Variants in RYK observed in about 807,000 individuals in gnomAD.
RYK encodes the protein receptor like tyrosine kinase, also known as inactive tyrosine-protein kinase RYK.
Under a neutral mutation model 70.2 loss-of-function variants are expected in RYK, and 21 were observed. That is an observed-to-expected ratio of 0.30 (90% CI 0.21 to 0.43). RYK has a LOEUF of 0.43. Ranked by LOEUF, RYK falls within the 20% of genes least tolerant of loss-of-function variation. The pLI, the probability that RYK is intolerant of heterozygous loss-of-function variation, is 1.00. For missense variants in RYK, 604 were observed against 753.3 expected (o/e 0.80, Z 2.32); for synonymous variants, 267 against 278.0 (o/e 0.96, Z 0.39).
At chr3:134,176,294 T>C (rs2013097900) in intron 11 of RYK, among the ~76,000 whole-genome samples, 1 of 152,230 alleles carries the variant, frequency 6.6e-6, no homozygotes, top group African/African-American at 2.4e-5. Context: ...CTCCCCAATA[T>C]CCAGCACACA....
At chr3:134,231,686 G>T (rs1412010956) in intron 1 of RYK, among the ~76,000 whole-genome samples, 2 of 151,946 alleles carry the variant, frequency 1.3e-5, no homozygotes, top group Non-Finnish European at 2.9e-5. Flanking sequence ...CTTTCCCCTG[G>T]CCCTGTGGAG....
chr3:134,243,822 A>G (rs561594834), intron 1 of RYK, among the ~76,000 whole-genome samples: 9 of 152,294 alleles, frequency 5.9e-5, no homozygotes, highest in Admixed American at 5.9e-4. Flanking sequence ...GTGCTCCTAC[A>G]ATAACTTATG....
In RYK at chr3:134,195,168, C is replaced by T. The variant is rs201031716; in HGVS notation, c.803G>A (p.Ser268Asn). 5 of 1,611,524 alleles carry T rather than the reference C, an allele frequency of 3.1e-6. No homozygotes were observed. In the South Asian group the frequency reaches 5.5e-5, roughly 18 times the overall value. The change falls in exon 7 of 15, where the codon AGT (serine) becomes AAT (asparagine). Residue 268 changes from serine to asparagine, a missense_variant. Ser to Asn is a conservative substitution (Grantham distance 46, BLOSUM62 1). Coordinates refer to ENST00000623711, the MANE Select transcript of RYK (RefSeq NM_002958.4). ...TGGCTGAGACAGCCCTTGGGAACTA[C>T]TGCTGGCACTAATGCTGCAAACAAT... ...IELDDSISAS[S>N]SSQGLSQPST... is the part of the protein sequence containing the mutation.
chr3:134,180,193 T>C (rs924758301), intron 10 of RYK: 47 of 152,196 alleles, frequency 3.1e-4, no homozygotes, highest in African/African-American at 1.0e-3. Context: ...TCAGGCATCT[T>C]TGGGCCAATG....
intron 1 of RYK, among the ~76,000 whole-genome samples, chr3:134,245,641 T>C (rs2015445344): frequency 6.6e-6 from 1 of 152,124 alleles, no homozygotes; most frequent in Non-Finnish European, 1.5e-5. Flanking sequence ...CAAAGTTTTT[T>C]CTGAAGAAAC....
chr3:134,235,677 T>C (rs1309431997), intron 1 of RYK, among the ~76,000 whole-genome samples: 1 of 152,126 alleles, frequency 6.6e-6, no homozygotes, highest in Non-Finnish European at 1.5e-5. Context: ...GTGTTTCAAA[T>C]ACGACAACAG....
intron 1 of RYK, among the ~76,000 whole-genome samples, chr3:134,248,531 G>T (rs1353341264): frequency 6.6e-6 from 1 of 151,938 alleles, no homozygotes; most frequent in Non-Finnish European, 1.5e-5. Flanking sequence ...TCAAAAATAT[G>T]AACTAGGCCA....
chr3:134,200,344 A>G (rs373461711), intron 6 of RYK, among the ~76,000 whole-genome samples: 14 of 152,226 alleles, frequency 9.2e-5, no homozygotes, highest in African/African-American at 3.1e-4. Context: ...TAAGAGCTAT[A>G]ACACTCACTG....
chr3:134,193,105 G>A (rs1015015836), intron 7 of RYK, among the ~76,000 whole-genome samples: 30 of 151,756 alleles, frequency 2.0e-4, no homozygotes, highest in African/African-American at 5.6e-4. Context: ...AGCTCCTTAC[G>A]GTAATGGCCA....
intron 1 of RYK, among the ~76,000 whole-genome samples, chr3:134,248,779 C>A (rs543012841): frequency 1.3e-5 from 2 of 152,078 alleles, no homozygotes; most frequent in African/African-American, 4.8e-5. Context: ...GCCTGGGTGA[C>A]AAGAGCGAGA....
intron 4 of RYK, among the ~76,000 whole-genome samples, 156 bp from the exon 5 acceptor site, chr3:134,207,681 TCA>T (rs2014257408): frequency 1.3e-5 from 2 of 152,156 alleles, no homozygotes; most frequent in African/African-American, 4.8e-5. Flanking sequence ...ACCACTACAG[TCA>T]CCAATCAATA....
At chr3:134,163,079 CCACT>C (rs1160155854) in intron 13 of RYK, among the ~76,000 whole-genome samples, 2 of 152,162 alleles carry the variant, frequency 1.3e-5, no homozygotes, top group African/African-American at 4.8e-5. Context: ...TACTCCCTTC[CCACT>C]GTTTTGTTCA....
chr3:134,201,891 A>G (rs2014036548), intron 6 of RYK, among the ~76,000 whole-genome samples: 1 of 152,254 alleles, frequency 6.6e-6, no homozygotes, highest in South Asian at 2.1e-4. Context: ...GGGAAGTAAG[A>G]AGTGTTTGTT....
intron 13 of RYK, among the ~76,000 whole-genome samples, chr3:134,168,317 C>A (rs1020576143): frequency 1.3e-5 from 2 of 152,176 alleles, no homozygotes; most frequent in African/African-American, 4.8e-5. Flanking sequence ...AAGACACATG[C>A]ACACGTATGT....
chr3:134,159,238 A>G lies in RYK; in HGVS notation c.1711T>C (p.Leu571=), dbSNP rs1467742293. The change falls in exon 14 of 15, where the codon TTA becomes CTA. Residue 571 remains leucine, a splice_region_variant and synonymous_variant. Coordinates refer to ENST00000623711, the MANE Select transcript of RYK (RefSeq NM_002958.4). The stretch of plus-strand genomic sequence containing the variant: ...GCCTTCAAGCTCAAAAAAACTCACA[A>G]TTCATCAGGACAGTTGATTGGCTGG... ...IAQPINCPDE[L]FAVMACCWAL... is the part of the protein sequence containing the mutation. 4 of 1,613,836 alleles carry G rather than the reference A, an allele frequency of 2.5e-6. No individual in the cohort carries two copies. Among genetic ancestry groups the G allele is most frequent in the East Asian group, 2.2e-5 (1 of 44,880 alleles).
chr3:134,207,518 T>C lies in RYK; in HGVS notation c.597A>G (p.Glu199=). 1 of 1,538,200 alleles carries C rather than the reference T, an allele frequency of 6.5e-7. No individual in the cohort carries two copies. The highest frequency in any genetic ancestry group is 2.4e-5 in the East Asian group (1 of 41,234). The change falls in exon 5 of 15, where the codon GAA becomes GAG. Residue 199 remains glutamate (E), a synonymous_variant. Transcript: ENST00000623711. ...KRRKMCYKKL[E]EVKTSALDKN... is the part of the protein sequence containing the mutation. ...TGTCCAAGGCTGAAGTTTTTACTTC[T>C]TCAAGTTCTGAATTTAAAGGAGAAA...
chr3:134,183,341 C>T (rs1576508722), intron 9 of RYK: 2 of 231,110 alleles, frequency 8.7e-6, no homozygotes, highest in Non-Finnish European at 1.7e-5. Context: ...ATATGCAACA[C>T]ATAAGGCATA....
Position 134,209,789 on chromosome 3 carries a change from A to C in RYK, c.495T>G (p.Ser165=). The C allele has an allele frequency of 2.6e-6, 4 of 1,517,210 alleles. No individual in the cohort carries two copies. Among genetic ancestry groups the C allele is most frequent in the Non-Finnish European group, 3.5e-6 (4 of 1,134,568 alleles). The allele number at this position is 1,517,210 out of a possible 1,614,324, so 94.0% of individuals were successfully genotyped here. ...TGAGCTGCATTAGTATCATAACTTC[A>C]GAATCTACTTTGCCAGTACAGGAAA... The part of the protein sequence containing the change: ...VELSCTGKVD[S]EVMILMQLNL... Residue 165 remains serine (S), a synonymous_variant, in exon 4 of 15, where the codon TCT becomes TCG. Transcript: ENST00000623711.
intron 6 of RYK, 148 bp from the exon 7 acceptor site, chr3:134,195,330 A>ATT: frequency 1.7e-6 from 1 of 595,790 alleles, no homozygotes; most frequent in Admixed American, 3.3e-5. Flanking sequence ...CAATACTGAT[A>ATT]TTTTAATCTA....
Sources: gnomAD v4.1 joint callset for allele counts (sites outside exome capture counted in the v4.1 genomes callset) on GRCh38, gnomAD v4.1.1 for gene constraint, MANE v1.5 for transcripts, NCBI Gene and HGNC (gene_info 2026-07-23, HGNC 2026-07-21) for gene names.